STX8: variants seen among roughly 807,000 people sequenced by gnomAD.
STX8 encodes syntaxin-8.
A neutral mutation model predicts 37.5 loss-of-function variants in STX8; 23 were observed. The observed-to-expected ratio is 0.61, with a 90% CI of 0.44 to 0.87. The LOEUF is 0.87. Ranked by LOEUF, STX8 falls within the 40% of genes least tolerant of loss-of-function variation. The pLI, the probability that STX8 is intolerant of heterozygous loss-of-function variation, is 0.00. For synonymous variants in STX8, 115 were observed against 99.1 expected, an observed-to-expected ratio of 1.16 and a Z score of -0.95; for missense variants, 313 against 284.7, an observed-to-expected ratio of 1.10 and a Z score of -0.71.
chr17:9,337,476 T>C (rs1481765143), intron 7 of STX8, among the ~76,000 whole-genome samples: 1 of 152,152 alleles, frequency 6.6e-6, no homozygotes, highest in East Asian at 1.9e-4. Context: ...CCTCCTGGGT[T>C]CAAGCGATTA....
At chr17:9,357,031 G>T (rs1454742481) in intron 7 of STX8, among the ~76,000 whole-genome samples, 2 of 127,378 alleles carry the variant, frequency 1.6e-5, no homozygotes, top group African/African-American at 5.9e-5. Context: ...GCAGTGGCAT[G>T]ATCTCAACTC....
In STX8 at chr17:9,568,563, C is replaced by G. The variant is rs1470495950; in HGVS notation, c.18-93G>C. ...TCGCCCAGGCTGGAGTGCAGTGGCACGATCTCAGCTCACTGCAAGCTCTGC... is the reference window on the plus strand; with the variant it reads ...TCGCCCAGGCTGGAGTGCAGTGGCAGGATCTCAGCTCACTGCAAGCTCTGC... On this transcript the variant is annotated intron_variant, in intron 1 of 7. Transcript: ENST00000306357. 1.1e-5 allele frequency: 11 copies of G among 975,058 alleles called. No individual in the cohort carries two copies. The South Asian group carries it at 1.2e-4, about 11-fold the overall frequency. 60.4% of individuals were successfully genotyped at this position (975,058 alleles called of 1,614,324 possible).
chr17:9,278,687 G>A (rs893088419), intron 7 of STX8, among the ~76,000 whole-genome samples: 3 of 152,108 alleles, frequency 2.0e-5, no homozygotes, highest in African/African-American at 4.8e-5. Flanking sequence ...ATGGAGCTCA[G>A]AAGAGAGATC....
At chr17:9,354,318 CTTTTTT>C (rs35460018) in intron 7 of STX8, among the ~76,000 whole-genome samples, 1 of 119,750 alleles carries the variant, frequency 8.4e-6, no homozygotes, top group Non-Finnish European at 1.7e-5. Context: ...AATTGTCTCA[CTTTTTT>C]TTTTTTTTTT....
At chr17:9,451,993 A>G (rs1905056102) in intron 6 of STX8, among the ~76,000 whole-genome samples, 1 of 152,180 alleles carries the variant, frequency 6.6e-6, no homozygotes, top group Non-Finnish European at 1.5e-5. Context: ...ATTTATTGCA[A>G]TCTCTCTTAA....
intron 4 of STX8, among the ~76,000 whole-genome samples, chr17:9,527,981 T>G (rs1905646870): frequency 6.6e-6 from 1 of 152,018 alleles, no homozygotes; most frequent in East Asian, 1.9e-4. Context: ...AAATGGGGAG[T>G]GGCTGGAAAA....
intron 6 of STX8, among the ~76,000 whole-genome samples, chr17:9,427,716 A>T (rs1913689850): frequency 6.6e-6 from 1 of 152,120 alleles, no homozygotes; most frequent in Non-Finnish European, 1.5e-5. Context: ...GCCAGGAGCT[A>T]TGTTAAGGTG....
At chr17:9,477,155 G>A (rs957890179) in intron 6 of STX8, among the ~76,000 whole-genome samples, 3 of 152,144 alleles carry the variant, frequency 2.0e-5, no homozygotes, top group Admixed American at 2.0e-4. Flanking sequence ...ACCGTGCCCA[G>A]CTTCAGGTTC....
chr17:9,560,760 TA>T (rs1219675926), intron 2 of STX8, among the ~76,000 whole-genome samples: 1 of 143,808 alleles, frequency 7.0e-6, no homozygotes, highest in Non-Finnish European at 1.5e-5. Context: ...TTTTTTTTTT[TA>T]AATGAAGTTT....
intron 6 of STX8, among the ~76,000 whole-genome samples, chr17:9,430,851 A>C (rs34667645): frequency 6.6e-6 from 1 of 151,968 alleles, no homozygotes; most frequent in Non-Finnish European, 1.5e-5. Flanking sequence ...GGATTTCACC[A>C]TGTTAGCCAG....
intron 6 of STX8, among the ~76,000 whole-genome samples, chr17:9,392,009 T>C (rs1912239745): frequency 6.6e-6 from 1 of 152,194 alleles, no homozygotes; most frequent in African/African-American, 2.4e-5. Context: ...CCCAGTCTGG[T>C]CACTGGCTAC....
intron 6 of STX8, among the ~76,000 whole-genome samples, chr17:9,428,402 G>C (rs1045231201): frequency 6.6e-6 from 1 of 152,090 alleles, no homozygotes. Flanking sequence ...CACCACGCCC[G>C]GCTAATTTTT....
intron 7 of STX8, among the ~76,000 whole-genome samples, chr17:9,263,879 T>C (rs1340344662): frequency 6.6e-6 from 1 of 152,202 alleles, no homozygotes; most frequent in Non-Finnish European, 1.5e-5. Flanking sequence ...CATCAAGAGG[T>C]AGGACCTGGG....
Position 9,568,401 on chromosome 17 carries a change from T to C in STX8, c.87A>G (p.Gln29=), listed in dbSNP as rs772922219. ...GTGCCTTTTCACCTTTTCTTTCATA[T>C]TGATTTCGTTGTTGAATTTTCTCAG... is the stretch of plus-strand genomic sequence containing the variant. ...EIAEKIQQRN[Q]YERKGEKAPK... The change falls in exon 2 of 8, where the codon CAA becomes CAG. Residue 29 remains glutamine, a synonymous_variant. Coordinates refer to ENST00000306357, the MANE Select transcript of STX8 (RefSeq NM_004853.3). The C allele has an allele frequency of 1.7e-5, 27 of 1,612,434 alleles. No individual in the cohort carries two copies. The highest frequency in any genetic ancestry group is 2.1e-5 in the Non-Finnish European group (25 of 1,179,750).
intron 6 of STX8, among the ~76,000 whole-genome samples, chr17:9,483,274 G>A (rs149502052): frequency 2.6e-5 from 4 of 151,818 alleles, no homozygotes; most frequent in South Asian, 2.1e-4. Context: ...TCATGGCTCC[G>A]TTCTCCACGT....
intron 4 of STX8, among the ~76,000 whole-genome samples, chr17:9,531,640 C>T (rs1019683756): frequency 2.6e-5 from 4 of 152,160 alleles, no homozygotes; most frequent in African/African-American, 9.7e-5. Flanking sequence ...ATACAGGGCT[C>T]AGTACTACCC....
At chr17:9,441,266 C>T (rs972008733) in intron 6 of STX8, among the ~76,000 whole-genome samples, 2 of 151,754 alleles carry the variant, frequency 1.3e-5, no homozygotes, top group African/African-American at 4.8e-5. Flanking sequence ...CCAAGGCGGG[C>T]GGATCACGAG....
chr17:9,324,787 A>G (rs1235839897), intron 7 of STX8, among the ~76,000 whole-genome samples: 1 of 150,646 alleles, frequency 6.6e-6, no homozygotes, highest in Non-Finnish European at 1.5e-5. Flanking sequence ...AAAAAAAAAA[A>G]GAGAAGAGCT....
chr17:9,283,947 G>A (rs1907985423), intron 7 of STX8, among the ~76,000 whole-genome samples: 1 of 152,154 alleles, frequency 6.6e-6, no homozygotes, highest in Non-Finnish European at 1.5e-5. Context: ...TATTTCCTCG[G>A]GAGAGGAAAT....
Sources: gnomAD v4.1 joint callset for allele counts (sites outside exome capture counted in the v4.1 genomes callset) on GRCh38, gnomAD v4.1.1 for gene constraint, MANE v1.5 for transcripts, NCBI Gene and HGNC (gene_info 2026-07-23, HGNC 2026-07-21) for gene names.